FXR1: variants seen among roughly 807,000 people sequenced by gnomAD.
FXR1 encodes the protein FMR1 autosomal homolog 1.
A neutral mutation model predicts 84.0 loss-of-function variants in FXR1; 15 were observed. The ratio of observed to expected loss-of-function variants is 0.18; its 90% CI spans 0.12 to 0.27. The LOEUF (loss-of-function observed/expected upper bound fraction) is 0.27, where lower values mean the gene tolerates loss of function less well. Ranked by LOEUF, FXR1 falls within the 10% of genes least tolerant of loss-of-function variation. FXR1 has a pLI of 1.00. For synonymous variants in FXR1, 245 were observed against 250.7 expected (o/e 0.98, Z 0.21); for missense variants, 480 against 774.4 (o/e 0.62, Z 4.51).
chr3:180,937,303 T>A (rs7651530), intron 3 of FXR1, among the ~76,000 whole-genome samples: 1 of 152,108 alleles, frequency 6.6e-6, no homozygotes, highest in Non-Finnish European at 1.5e-5. Flanking sequence ...GTTTAGACAC[T>A]TAAAATTGGT....
chr3:180,979,895 G>A lies in FXR1; in HGVS notation c.*3603G>A, dbSNP rs1714531008. The A allele has an allele frequency of 6.6e-6, 1 of 151,964 alleles. No individual in the cohort carries two copies. The highest frequency in any genetic ancestry group is 2.1e-4 in the South Asian group (1 of 4,816). The allele number at this position is 151,964 out of a possible 1,614,324, so 9.4% of individuals were successfully genotyped here. The stretch of plus-strand genomic sequence containing the variant: ...TCTGTAATATTATTTCCAGTACTGA[G>A]GTAAGGTACACAAAAATTCCCCTGG... On this transcript the variant is annotated 3_prime_UTR_variant, in exon 17 of 17. Coordinates refer to ENST00000357559, the MANE Select transcript of FXR1 (RefSeq NM_005087.4).
Position 180,947,942 on chromosome 3 carries a change from T to C in FXR1, c.270+6T>C. The C allele has an allele frequency of 6.4e-7, 1 of 1,558,210 alleles. No homozygotes were observed. Among genetic ancestry groups the C allele is most frequent in the Non-Finnish European group, 8.8e-7 (1 of 1,131,466 alleles). ...TTCGGATGATGAAAGGAGAAGTAAG[T>C]ACTCTTCACACTTGCTTTGTGACTA... On this transcript the variant is annotated splice_donor_region_variant and intron_variant, in intron 4 of 16. Transcript: ENST00000357559.
At chr3:180,917,143 ATTAC>A (rs1717995414) in intron 1 of FXR1, among the ~76,000 whole-genome samples, 5 of 152,182 alleles carry the variant, frequency 3.3e-5, no homozygotes, top group Admixed American at 3.3e-4. Context: ...GCCAGAGTTA[ATTAC>A]TTTTAGAGCT....
chr3:180,924,144 A>T (rs747176586), intron 1 of FXR1, among the ~76,000 whole-genome samples: 2 of 151,990 alleles, frequency 1.3e-5, no homozygotes, highest in Non-Finnish European at 2.9e-5. Context: ...TTTTTAGTAG[A>T]GATAGGGTTT....
intron 4 of FXR1, chr3:180,948,144 T>C: frequency 1.6e-6 from 1 of 612,646 alleles, no homozygotes; most frequent in East Asian, 2.8e-5. Context: ...ACCTCAAGCA[T>C]GTAAGGACCG....
intron 1 of FXR1, among the ~76,000 whole-genome samples, chr3:180,926,506 A>ATATATATATATTTTTTTTTTTT (rs72192827): frequency 1.6e-5 from 2 of 124,376 alleles, no homozygotes; most frequent in African/African-American, 5.8e-5. Flanking sequence ...ATATATATAT[A>ATATATATATATTTTTTTTTTTT]TTTTTTTTTC....
chr3:180,956,806 T>G (rs927100022), intron 9 of FXR1, among the ~76,000 whole-genome samples: 2 of 152,202 alleles, frequency 1.3e-5, no homozygotes, highest in Non-Finnish European at 2.9e-5. Context: ...ATAGTCCTTT[T>G]ATTGTACTGA....
chr3:180,962,188 G>A (rs550972252), intron 11 of FXR1, among the ~76,000 whole-genome samples: 61 of 152,168 alleles, frequency 4.0e-4, no homozygotes, highest in African/African-American at 1.3e-3. Flanking sequence ...ATCCTCACCT[G>A]TTCTCTGCCT....
rs1345354396 is a variant in FXR1 at position 180,979,380 on chromosome 3, A to C, written c.*3088A>C. The C allele has an allele frequency of 6.6e-6, 1 of 152,098 alleles. No individual in the cohort carries two copies. The highest frequency in any genetic ancestry group is 1.5e-5 in the Non-Finnish European group (1 of 67,960). The allele number at this position is 152,098 out of a possible 1,614,324, so 9.4% of individuals were successfully genotyped here. A position where few individuals can be genotyped will look rare whatever the true frequency, so the allele number is the denominator to read the frequency against. On this transcript the variant is annotated 3_prime_UTR_variant, in exon 17 of 17. Transcript: ENST00000357559. The stretch of plus-strand genomic sequence containing the variant: ...AATTACACCTGGATTTTCTTCTGTA[A>C]AGTTTCAAGGAACTTGGATTTGAAC...
chr3:180,961,670 A>C, intron 11 of FXR1, 116 bp downstream of exon 11: 1 of 531,098 alleles, frequency 1.9e-6, no homozygotes, highest in Non-Finnish European at 3.4e-6. Flanking sequence ...ATTTGAAGTA[A>C]ACTTCAAATC....
At chr3:180,914,818 C>CT in intron 1 of FXR1, 25 of 984,812 alleles carry the variant, frequency 2.5e-5, no homozygotes, top group Non-Finnish European at 2.9e-5. Flanking sequence ...GGAAAGGACA[C>CT]TAGCCACCTG....
intron 3 of FXR1, among the ~76,000 whole-genome samples, chr3:180,946,737 T>C (rs1721731782): frequency 6.6e-6 from 1 of 152,222 alleles, no homozygotes; most frequent in Non-Finnish European, 1.5e-5. Flanking sequence ...ATCATCCTGA[T>C]AGAAGCTTCA....
At chr3:180,972,395 G>A (rs1289710926) in intron 15 of FXR1, among the ~76,000 whole-genome samples, 1 of 152,206 alleles carries the variant, frequency 6.6e-6, no homozygotes, top group Non-Finnish European at 1.5e-5. Context: ...GGTCGAGGCC[G>A]CAGTGAAGGG....
At chr3:180,961,815 C>T (rs1712156062) in intron 11 of FXR1, among the ~76,000 whole-genome samples, 1 of 152,102 alleles carries the variant, frequency 6.6e-6, no homozygotes, top group Non-Finnish European at 1.5e-5. Flanking sequence ...ATATTTCTTT[C>T]TTTCTTAAGA....
intron 9 of FXR1, 60 bp from the exon 10 acceptor site, chr3:180,957,759 C>A: frequency 1.3e-6 from 1 of 755,050 alleles, no homozygotes; most frequent in Non-Finnish European, 2.3e-6. Context: ...GGGGCTGACA[C>A]TGAAAGAATA....
Position 180,980,902 on chromosome 3 carries a change from A to T in FXR1, c.*4610A>T, listed in dbSNP as rs1577020197. ...TTCCAGGATACTTTACATAACCAAA[A>T]ACCTAGGAGAGCATTCTACATTGTA... On this transcript the variant is annotated 3_prime_UTR_variant, in exon 17 of 17. Coordinates refer to ENST00000357559, the MANE Select transcript of FXR1 (RefSeq NM_005087.4). The T allele has an allele frequency of 3.9e-5, 6 of 152,074 alleles. 1 individual carries two copies. Among genetic ancestry groups the T allele is most frequent in the Admixed American group, 3.9e-4 (6 of 15,282 alleles). 9.4% of individuals were successfully genotyped at this position (152,074 alleles called of 1,614,324 possible).
At chr3:180,968,886 A>G (rs190761224) in intron 14 of FXR1, among the ~76,000 whole-genome samples, 19 of 152,310 alleles carry the variant, frequency 1.2e-4, no homozygotes, top group Non-Finnish European at 4.4e-5. Context: ...CTTGGTTACC[A>G]TAACGGGCTA....
intron 13 of FXR1, among the ~76,000 whole-genome samples, chr3:180,963,349 A>G (rs971254120): frequency 1.3e-5 from 2 of 152,106 alleles, no homozygotes; most frequent in Non-Finnish European, 2.9e-5. Context: ...TGTCATGTTT[A>G]TTATATTTAC....
chr3:180,951,204 CAG>C (rs1722204925), intron 7 of FXR1, 92 bp from the exon 8 acceptor site: 3 of 704,216 alleles, frequency 4.3e-6, no homozygotes, highest in African/African-American at 1.8e-5. Flanking sequence ...GCCTTGGTGA[CAG>C]AGTGAGACCC....
Sources: allele counts gnomAD v4.1 joint callset (sites outside exome capture counted in the v4.1 genomes callset), GRCh38; gene constraint gnomAD v4.1.1; transcripts MANE v1.5; gene names NCBI Gene and HGNC (gene_info 2026-07-23, HGNC 2026-07-21).